Variants in UMAD1 observed in about 807,000 individuals in gnomAD.
The protein encoded by UMAD1 is UBAP1-MVB12-associated (UMA)-domain containing protein 1.
A neutral mutation model predicts 6.1 loss-of-function variants in UMAD1; 8 were observed. The ratio of observed to expected loss-of-function variants is 1.30; its 90% CI spans 0.76 to 2.35. UMAD1 has a LOEUF of 2.35. UMAD1 is among the 30% of genes most tolerant of loss of function. The pLI is 0.00. For missense variants in UMAD1, 130 were observed against 78.4 expected (o/e 1.66, Z -2.49); for synonymous variants, 56 against 31.4 (o/e 1.78, Z -2.61).
chr7:7,762,476 G>A (rs963500329), intron 2 of UMAD1, among the ~76,000 whole-genome samples: 4 of 152,112 alleles, frequency 2.6e-5, no homozygotes, highest in Non-Finnish European at 5.9e-5. Flanking sequence ...TGGGTCTTGT[G>A]TGTTAAGGCA....
intron 2 of UMAD1, among the ~76,000 whole-genome samples, chr7:7,768,547 G>T (rs1163562449): frequency 6.6e-6 from 1 of 152,038 alleles, no homozygotes; most frequent in Non-Finnish European, 1.5e-5. Flanking sequence ...ACTGCCATCA[G>T]CTTCTCTGAG....
chr7:7,696,834 C>T (rs556732107), intron 2 of UMAD1, among the ~76,000 whole-genome samples: 8 of 151,188 alleles, frequency 5.3e-5, no homozygotes, highest in Non-Finnish European at 1.2e-4. Context: ...CTTTTTCTTT[C>T]TTCTTCTTTT....
chr7:7,732,255 G>GT (rs1039254517), intron 2 of UMAD1, among the ~76,000 whole-genome samples: 3 of 151,940 alleles, frequency 2.0e-5, no homozygotes, highest in Admixed American at 2.0e-4. Flanking sequence ...CCAGTTGAGT[G>GT]TTTTTTCTTG....
intron 1 of UMAD1, among the ~76,000 whole-genome samples, chr7:7,654,296 C>T (rs1185547264): frequency 6.6e-6 from 1 of 152,112 alleles, no homozygotes; most frequent in Admixed American, 6.5e-5. Flanking sequence ...CAAGTGAGGC[C>T]ATCTGTATTC....
chr7:7,785,289 T>C (rs1782439481), intron 2 of UMAD1, among the ~76,000 whole-genome samples: 1 of 152,186 alleles, frequency 6.6e-6, no homozygotes, highest in South Asian at 2.1e-4. Flanking sequence ...TCTTCAATAT[T>C]GATTGTGTGT....
In UMAD1 at chr7:7,777,454, T is replaced by C. The variant is rs574186782; in HGVS notation, c.83-24216T>C. On this transcript the variant is annotated intron_variant, in intron 2 of 3. Transcript: ENST00000682710. Reference sequence around the variant, plus strand: ...CCGGGAGGTGGTGGTTGCAGTGAGCTGAGATTGAACCACCGCACTCCAGCC... The same window carrying C: ...CCGGGAGGTGGTGGTTGCAGTGAGCCGAGATTGAACCACCGCACTCCAGCC... Among the ~76,000 whole-genome samples the C allele has an allele frequency of 2.1e-5, 3 of 145,084 alleles. No individual in the cohort carries two copies. The East Asian group carries it at 6.0e-4, about 29-fold the overall frequency.
At chr7:7,792,323 C>T (rs967693301) in intron 2 of UMAD1, among the ~76,000 whole-genome samples, 12 of 152,202 alleles carry the variant, frequency 7.9e-5, no homozygotes, top group Non-Finnish European at 1.5e-4. Context: ...AGAATCCTGA[C>T]CAGGCTCCTG....
At chr7:7,805,423 A>G (rs1227955971) in intron 3 of UMAD1, among the ~76,000 whole-genome samples, 1 of 152,126 alleles carries the variant, frequency 6.6e-6, no homozygotes, top group Non-Finnish European at 1.5e-5. Context: ...AAGTCCTGCC[A>G]TCTTGCCCTC....
intron 3 of UMAD1, among the ~76,000 whole-genome samples, chr7:7,834,169 C>A (rs1010797171): frequency 6.6e-6 from 1 of 151,624 alleles, no homozygotes; most frequent in Non-Finnish European, 1.5e-5. Flanking sequence ...TTACAGGCAC[C>A]CACCACCACG....
At chr7:7,869,968 A>G (rs1429271754) in intron 3 of UMAD1, among the ~76,000 whole-genome samples, 1 of 152,184 alleles carries the variant, frequency 6.6e-6, no homozygotes, top group Non-Finnish European at 1.5e-5. Flanking sequence ...CTAAGCTCTG[A>G]GAAGATTTTT....
rs973558839 is a variant in UMAD1, at chr7:7,849,835, T to C, written c.157-27446T>C. Among the ~76,000 whole-genome samples the C allele has an allele frequency of 2.0e-5, 3 of 151,870 alleles. No homozygotes were observed. In the East Asian group the frequency reaches 5.8e-4, roughly 29 times the overall value. ...TGGGGTCACATACTTTAAGATGGAG[T>C]GGACAGAGCAGGCCTCTCTGAGTGG... On this transcript the variant is annotated intron_variant, in intron 3 of 3. Coordinates refer to ENST00000682710, the MANE Select transcript of UMAD1 (RefSeq NM_001302348.2).
chr7:7,700,298 A>G (rs1479085664), intron 2 of UMAD1, among the ~76,000 whole-genome samples: 3 of 152,050 alleles, frequency 2.0e-5, no homozygotes, highest in Non-Finnish European at 4.4e-5. Flanking sequence ...TGTGTACTTC[A>G]CCCTCAATAC....
chr7:7,789,573 A>G (rs6950775), intron 2 of UMAD1, among the ~76,000 whole-genome samples: 2,058 of 152,110 alleles, frequency 0.014, 41 homozygotes, highest in African/African-American at 0.046. Context: ...ACAGATCTCT[A>G]GAACTAAAAC....
At chr7:7,842,221 C>G (rs1171214214) in intron 3 of UMAD1, among the ~76,000 whole-genome samples, 1 of 152,140 alleles carries the variant, frequency 6.6e-6, no homozygotes, top group Non-Finnish European at 1.5e-5. Flanking sequence ...AGCCCCAGTT[C>G]TTTCTCTGTA....
chr7:7,832,797 A>G (rs980117576), intron 3 of UMAD1, among the ~76,000 whole-genome samples: 1 of 152,220 alleles, frequency 6.6e-6, no homozygotes, highest in African/African-American at 2.4e-5. Flanking sequence ...TGCAAGCTGT[A>G]GTAAGTATTC....
intron 2 of UMAD1, among the ~76,000 whole-genome samples, chr7:7,683,331 G>C (rs2115125180): frequency 6.6e-6 from 1 of 152,256 alleles, no homozygotes; most frequent in East Asian, 1.9e-4. Context: ...CCCAGGAATT[G>C]ATTTTTTCCC....
intron 2 of UMAD1, among the ~76,000 whole-genome samples, chr7:7,688,812 C>A (rs1780100583): frequency 6.6e-6 from 1 of 152,088 alleles, no homozygotes; most frequent in Non-Finnish European, 1.5e-5. Context: ...AAAGCTGATC[C>A]TCAGTCTGTA....
intron 3 of UMAD1, among the ~76,000 whole-genome samples, chr7:7,857,237 AG>A (rs1455317139): frequency 6.6e-6 from 1 of 152,218 alleles, no homozygotes; most frequent in African/African-American, 2.4e-5. Context: ...TCCACAGTTA[AG>A]GGTCCACCCG....
intron 2 of UMAD1, among the ~76,000 whole-genome samples, chr7:7,714,086 T>C (rs1780832313): frequency 6.6e-6 from 1 of 152,266 alleles, no homozygotes; most frequent in Admixed American, 6.5e-5. Flanking sequence ...TTGTGTGTTA[T>C]CTTTTTGATG....
Sources: allele counts gnomAD v4.1 joint callset (sites outside exome capture counted in the v4.1 genomes callset), GRCh38; gene constraint gnomAD v4.1.1; transcripts MANE v1.5; gene names NCBI Gene and HGNC (gene_info 2026-07-23, HGNC 2026-07-21).